KATNAL1: variants seen among roughly 807,000 people sequenced by gnomAD.
The protein encoded by KATNAL1 is katanin catalytic subunit A1 like 1, also known as katanin p60 ATPase-containing subunit A-like 1.
In KATNAL1, 32 loss-of-function variants were observed where a neutral mutation model predicts 55.2. The ratio of observed to expected loss-of-function variants is 0.58; its 90% CI spans 0.44 to 0.78. KATNAL1 has a LOEUF of 0.78. Among genes scored for constraint, KATNAL1 ranks in the 30% least tolerant of loss-of-function variants. The pLI is 0.00. For synonymous variants in KATNAL1, 193 were observed against 193.6 expected (o/e 1.00, Z 0.02); for missense variants, 466 against 600.9 (o/e 0.78, Z 2.35).
At position 30,247,909 on chromosome 13, in the gene KATNAL1, G is replaced by A. The variant is rs144023723; in HGVS notation, c.493-6823C>T. Reference sequence around the variant, plus strand: ...GTAGTATACAGAATGGCTAAAATGAGTGGTAGAGTCTGAGAGAGGATAAGA... The same window carrying A: ...GTAGTATACAGAATGGCTAAAATGAATGGTAGAGTCTGAGAGAGGATAAGA... On this transcript the variant is annotated intron_variant, in intron 4 of 10. Transcript: ENST00000380615. Among the ~76,000 whole-genome samples the A allele has an allele frequency of 2.8e-3, 430 of 152,300 alleles. 4 individuals carry two copies. The highest frequency in any genetic ancestry group is 9.8e-3 in the African/African-American group (408 of 41,566).
intron 3 of KATNAL1, among the ~76,000 whole-genome samples, chr13:30,263,587 C>T (rs1193220675): frequency 2.0e-5 from 3 of 152,164 alleles, no homozygotes; most frequent in African/African-American, 4.8e-5. Flanking sequence ...CAGACAAAAT[C>T]ATGAGAGAAC....
At chr13:30,284,525 C>T (rs1881643106) in intron 1 of KATNAL1, among the ~76,000 whole-genome samples, 1 of 151,962 alleles carries the variant, frequency 6.6e-6, no homozygotes, top group South Asian at 2.1e-4. Context: ...AACTTCTTGG[C>T]CCCAAGAATA....
chr13:30,274,886 C>T (rs1273872829), intron 3 of KATNAL1, among the ~76,000 whole-genome samples: 2 of 123,842 alleles, frequency 1.6e-5, no homozygotes, highest in African/African-American at 3.1e-5. Context: ...TGTGTGCACA[C>T]ACATACGCGC....
chr13:30,292,023 G>A (rs983929118), intron 1 of KATNAL1, among the ~76,000 whole-genome samples: 5 of 151,834 alleles, frequency 3.3e-5, no homozygotes, highest in African/African-American at 7.3e-5. Flanking sequence ...CAACAAGAGC[G>A]AAACTCCATC....
intron 2 of KATNAL1, among the ~76,000 whole-genome samples, chr13:30,280,898 AT>A (rs1881231761): frequency 6.6e-6 from 1 of 152,100 alleles, no homozygotes. Flanking sequence ...GCCCAAACTA[AT>A]TTTCCAAAGC....
chr13:30,282,155 G>A (rs1881404287), intron 2 of KATNAL1, among the ~76,000 whole-genome samples: 1 of 147,832 alleles, frequency 6.8e-6, no homozygotes, highest in African/African-American at 2.6e-5. Flanking sequence ...CGGTAAGTAG[G>A]CAAATTAAAA....
chr13:30,226,004 C>T (rs1201690556), intron 9 of KATNAL1, among the ~76,000 whole-genome samples: 1 of 152,070 alleles, frequency 6.6e-6, no homozygotes, highest in Non-Finnish European at 1.5e-5. Context: ...AAAAAGTATA[C>T]CATGACCATA....
chr13:30,240,696 G>A, intron 5 of KATNAL1, 131 bp from the exon 6 acceptor site: 1 of 696,378 alleles, frequency 1.4e-6, no homozygotes, highest in Non-Finnish European at 2.3e-6. Flanking sequence ...AATTCTTACT[G>A]CATAAAAAGA....
chr13:30,248,197 T>C (rs651612), intron 4 of KATNAL1, among the ~76,000 whole-genome samples: 135,796 of 152,254 alleles, frequency 0.89, 60,615 homozygotes, highest in East Asian at 0.96. Flanking sequence ...AATATTTGAA[T>C]GCAACTCTTC....
intron 4 of KATNAL1, 59 bp downstream of exon 4, chr13:30,255,387 TA>T: frequency 7.5e-7 from 1 of 1,327,114 alleles, no homozygotes; most frequent in Non-Finnish European, 9.9e-7. Flanking sequence ...ACAAAAATCA[TA>T]ACATCCACCA....
At chr13:30,288,902 T>C (rs949086519) in intron 1 of KATNAL1, among the ~76,000 whole-genome samples, 1 of 152,246 alleles carries the variant, frequency 6.6e-6, no homozygotes, top group Non-Finnish European at 1.5e-5. Context: ...GATTACATGA[T>C]AGATTCAAAC....
At chr13:30,277,488 T>C (rs1880926285) in intron 3 of KATNAL1, among the ~76,000 whole-genome samples, 1 of 152,230 alleles carries the variant, frequency 6.6e-6, no homozygotes, top group Admixed American at 6.5e-5. Flanking sequence ...GAATATCCAA[T>C]GACTGTTATC....
chr13:30,257,606 C>T (rs1037143644), intron 3 of KATNAL1, among the ~76,000 whole-genome samples: 6 of 152,172 alleles, frequency 3.9e-5, no homozygotes, highest in African/African-American at 7.2e-5. Context: ...ATTCAATGGC[C>T]GCCTAGGAGT....
At chr13:30,264,469 C>A (rs1156263912) in intron 3 of KATNAL1, among the ~76,000 whole-genome samples, 8 of 148,576 alleles carry the variant, frequency 5.4e-5, no homozygotes, top group Admixed American at 4.7e-4. Context: ...ATTTTCACAA[C>A]CTACTCATCT....
chr13:30,279,127 A>G (rs992640992), intron 3 of KATNAL1, among the ~76,000 whole-genome samples: 3 of 152,246 alleles, frequency 2.0e-5, no homozygotes, highest in East Asian at 3.8e-4. Flanking sequence ...TAAAGCAGAC[A>G]GAAAGCCAGA....
intron 3 of KATNAL1, among the ~76,000 whole-genome samples, chr13:30,265,882 C>T (rs1012903589): frequency 2.6e-5 from 4 of 151,260 alleles, no homozygotes; most frequent in Admixed American, 1.3e-4. Context: ...CATGGTGGCA[C>T]GTGCCTATAA....
At chr13:30,260,814 A>T (rs1382405430) in intron 3 of KATNAL1, among the ~76,000 whole-genome samples, 4 of 147,940 alleles carry the variant, frequency 2.7e-5, no homozygotes, top group African/African-American at 9.9e-5. Flanking sequence ...CATCCAGGAG[A>T]ACTTCCCCAA....
chr13:30,266,186 G>A (rs1879770423), intron 3 of KATNAL1, among the ~76,000 whole-genome samples: 1 of 151,850 alleles, frequency 6.6e-6, no homozygotes. Context: ...TATTTTTGTG[G>A]AGACAGGGTT....
chr13:30,223,238 G>C (rs1593843506), intron 9 of KATNAL1, among the ~76,000 whole-genome samples: 1 of 152,032 alleles, frequency 6.6e-6, no homozygotes, highest in Non-Finnish European at 1.5e-5. Context: ...AGGAGATCGA[G>C]ACCATCCTGG....
Sources: allele counts gnomAD v4.1 joint callset (sites outside exome capture counted in the v4.1 genomes callset), GRCh38; gene constraint gnomAD v4.1.1; transcripts MANE v1.5; gene names NCBI Gene and HGNC (gene_info 2026-07-23, HGNC 2026-07-21).